CHSY1: variants seen among roughly 807,000 people sequenced by gnomAD.
CHSY1 encodes the protein N-acetylgalactosaminyl-proteoglycan 3-beta-glucuronosyltransferase 1.
Under a neutral mutation model 59.8 loss-of-function variants are expected in CHSY1, and 13 were observed. The observed-to-expected ratio is 0.22, with a 90% confidence interval of 0.14 to 0.35. The LOEUF is 0.35. Among genes scored for constraint, CHSY1 ranks in the 10% least tolerant of loss-of-function variants. The pLI, the probability that CHSY1 is intolerant of heterozygous loss-of-function variation, is 1.00. For missense variants in CHSY1, 947 were observed against 1,030.6 expected (o/e 0.92, Z 1.11); for synonymous variants, 459 against 401.2 (o/e 1.14, Z -1.72).
intron 1 of CHSY1, among the ~76,000 whole-genome samples, chr15:101,236,878 T>C (rs1171987739): frequency 6.6e-6 from 1 of 151,872 alleles, no homozygotes; most frequent in African/African-American, 2.4e-5. Flanking sequence ...CTTTATAAAT[T>C]ACCTATTTTG....
chr15:101,244,733 A>G (rs1248021367), intron 1 of CHSY1, among the ~76,000 whole-genome samples: 1 of 152,124 alleles, frequency 6.6e-6, no homozygotes, highest in Non-Finnish European at 1.5e-5. Context: ...GTTTACTTTC[A>G]CTTAAGTATA....
At chr15:101,189,573 A>C (rs1249131807) in intron 2 of CHSY1, 1 of 526,006 alleles carries the variant, frequency 1.9e-6, no homozygotes, top group Middle Eastern at 9.8e-4. Context: ...CAACCAGTTC[A>C]AGTGAGAGAG....
chr15:101,241,845 C>T (rs2039005208), intron 1 of CHSY1, among the ~76,000 whole-genome samples: 1 of 152,116 alleles, frequency 6.6e-6, no homozygotes, highest in Non-Finnish European at 1.5e-5. Context: ...TCCTTATCAT[C>T]CAAGAGGGAA....
intron 2 of CHSY1, chr15:101,189,322 G>T: frequency 1.9e-6 from 1 of 513,742 alleles, no homozygotes; most frequent in Non-Finnish European, 2.5e-6. Flanking sequence ...ACACACCAGC[G>T]TCACACGTGA....
At chr15:101,229,608 T>C (rs766973330) in intron 2 of CHSY1, among the ~76,000 whole-genome samples, 31 of 152,124 alleles carry the variant, frequency 2.0e-4, no homozygotes, top group Middle Eastern at 3.4e-3. Context: ...AATTCAACAA[T>C]AACATTAGAG....
chr15:101,232,857 C>T (rs1316692250), intron 2 of CHSY1, among the ~76,000 whole-genome samples: 1 of 152,210 alleles, frequency 6.6e-6, no homozygotes, highest in Non-Finnish European at 1.5e-5. Context: ...CCCTGTGGCA[C>T]AAGCCCAGGA....
chr15:101,248,478 G>C (rs2039072626), intron 1 of CHSY1, among the ~76,000 whole-genome samples: 1 of 152,216 alleles, frequency 6.6e-6, no homozygotes, highest in African/African-American at 2.4e-5. Context: ...GAGATAAAAG[G>C]AAACTTCTGT....
chr15:101,216,760 C>T (rs2038737409), intron 2 of CHSY1, among the ~76,000 whole-genome samples: 1 of 148,522 alleles, frequency 6.7e-6, no homozygotes, highest in South Asian at 2.1e-4. Flanking sequence ...AGGTGAAACA[C>T]AAGGATTTGT....
At chr15:101,221,664 G>A (rs937429939) in intron 2 of CHSY1, among the ~76,000 whole-genome samples, 9 of 152,058 alleles carry the variant, frequency 5.9e-5, no homozygotes, top group Admixed American at 3.9e-4. Context: ...AAATGAAACC[G>A]TACTCAACTT....
At chr15:101,206,732 T>C (rs765647666) in intron 2 of CHSY1, among the ~76,000 whole-genome samples, 42 of 152,356 alleles carry the variant, frequency 2.8e-4, no homozygotes, top group Admixed American at 1.4e-3. Flanking sequence ...TCATTTTATT[T>C]TCCCTACACA....
intron 2 of CHSY1, among the ~76,000 whole-genome samples, chr15:101,194,406 G>A (rs2038482975): frequency 6.6e-6 from 1 of 152,184 alleles, no homozygotes; most frequent in African/African-American, 2.4e-5. Flanking sequence ...AGTAGGCTAG[G>A]CAGCATTTTA....
At chr15:101,250,931 A>C (rs2039102169) in intron 1 of CHSY1, among the ~76,000 whole-genome samples, 1 of 152,126 alleles carries the variant, frequency 6.6e-6, no homozygotes, top group African/African-American at 2.4e-5. Flanking sequence ...CTGACCCCAA[A>C]GGCCATGTTC....
chr15:101,201,600 C>CCTCT, intron 2 of CHSY1, among the ~76,000 whole-genome samples: 1 of 152,224 alleles, frequency 6.6e-6, no homozygotes, highest in East Asian at 1.9e-4. Flanking sequence ...CAGGAAGACT[C>CCTCT]CAAGAGGAGT....
intron 2 of CHSY1, among the ~76,000 whole-genome samples, chr15:101,198,191 G>C (rs2038529705): frequency 6.6e-6 from 1 of 152,048 alleles, no homozygotes; most frequent in African/African-American, 2.4e-5. Flanking sequence ...TGTGTCTCCA[G>C]GCTCTTTCCT....
intron 2 of CHSY1, among the ~76,000 whole-genome samples, chr15:101,216,993 G>A (rs2038740368): frequency 1.3e-5 from 2 of 152,168 alleles, no homozygotes; most frequent in African/African-American, 4.8e-5. Flanking sequence ...CACTGAAGTG[G>A]GCAGAGCAGA....
chr15:101,248,005 G>C (rs1024121062), intron 1 of CHSY1, among the ~76,000 whole-genome samples: 3 of 151,996 alleles, frequency 2.0e-5, no homozygotes, highest in Non-Finnish European at 4.4e-5. Flanking sequence ...GAAAGTGCTG[G>C]CATCTCCTTC....
chr15:101,219,556 A>C (rs1034991609), intron 2 of CHSY1, among the ~76,000 whole-genome samples: 2 of 152,212 alleles, frequency 1.3e-5, no homozygotes, highest in East Asian at 3.8e-4. Flanking sequence ...TCTGTAACAC[A>C]GGGCCCACAC....
At chr15:101,190,825 A>T (rs1465641212) in intron 2 of CHSY1, among the ~76,000 whole-genome samples, 1 of 152,234 alleles carries the variant, frequency 6.6e-6, no homozygotes, top group Non-Finnish European at 1.5e-5. Context: ...GGTAGAAAAA[A>T]GCATGTGAAA....
chr15:101,250,743 T>C (rs1305951207), intron 1 of CHSY1, among the ~76,000 whole-genome samples: 1 of 152,230 alleles, frequency 6.6e-6, no homozygotes, highest in Non-Finnish European at 1.5e-5. Flanking sequence ...GTGCACATTT[T>C]AGGGAATCCA....
Sources: allele counts gnomAD v4.1 joint callset (sites outside exome capture counted in the v4.1 genomes callset), GRCh38; gene constraint gnomAD v4.1.1; transcripts MANE v1.5; gene names NCBI Gene and HGNC (gene_info 2026-07-23, HGNC 2026-07-21).